The following MAN2B1 variants were observed in gnomAD, a reference collection of about 807,000 sequenced individuals.
MAN2B1 encodes mannosidase alpha class 2B member 1, also known as lysosomal alpha-mannosidase.
Under a neutral mutation model 127.5 loss-of-function variants are expected in MAN2B1, and 99 were observed. The observed-to-expected ratio is 0.78, with a 90% confidence interval of 0.66 to 0.92. The LOEUF (loss-of-function observed/expected upper bound fraction) is 0.92. Ranked by LOEUF, MAN2B1 falls within the 40% of genes least tolerant of loss-of-function variation. MAN2B1 has a pLI of 0.00. For synonymous variants in MAN2B1, 573 were observed against 568.8 expected (o/e 1.01, Z -0.11); for missense variants, 1,304 against 1,384.8 (o/e 0.94, Z 0.93).
intron 21 of MAN2B1, 24 bp downstream of exon 21, chr19:12,648,151 T>C (rs2023739775): frequency 6.5e-7 from 1 of 1,528,914 alleles, no homozygotes; most frequent in Non-Finnish European, 8.8e-7. Context: ...TCCGGTCCTC[T>C]CTGCCTACCC....
Position 12,657,458 on chromosome 19 carries a change from C to G in MAN2B1, c.1407G>C (p.Trp469Cys). 1 of 1,554,806 alleles carries G rather than the reference C, an allele frequency of 6.4e-7. No homozygotes were observed. The highest frequency in any genetic ancestry group is 8.7e-7 in the Non-Finnish European group (1 of 1,150,202). The change falls in exon 11 of 24, where the codon TGG becomes TGC. Residue 469 changes from tryptophan to cysteine, a missense_variant. Coordinates refer to ENST00000456935, the MANE Select transcript of MAN2B1 (RefSeq NM_000528.4). ...NDYARQLAAG[W>C]GPCEVLLSNA... Reference sequence around the variant, plus strand: ...TCGCCCCGCGCACCTCGCAAGGCCCCCAGCCTGCCGCAAGCTGGCGCGCGT... The same window carrying G: ...TCGCCCCGCGCACCTCGCAAGGCCCGCAGCCTGCCGCAAGCTGGCGCGCGT...
chr19:12,661,369 T>C lies in MAN2B1; in HGVS notation c.917A>G (p.Tyr306Cys). The C allele has an allele frequency of 6.2e-7, 1 of 1,609,798 alleles. No homozygotes were observed. Among genetic ancestry groups the C allele is most frequent in the Non-Finnish European group, 8.5e-7 (1 of 1,176,092 alleles). The change falls in exon 7 of 24, where the codon TAT becomes TGT. Residue 306 changes from tyrosine to cysteine, a missense_variant. Coordinates refer to ENST00000456935, the MANE Select transcript of MAN2B1 (RefSeq NM_000528.4). ...FLNVATAQGR[Y>C]YRTNHTVMTM... The stretch of plus-strand genomic sequence containing the variant: ...CATCACAGTGTGGTTGGTGCGGTAA[T>C]ACCGGCCCTGCAGGCAAGAGGGGAG...
intron 6 of MAN2B1, among the ~76,000 whole-genome samples, chr19:12,662,708 G>A (rs1049949754): frequency 1.3e-5 from 2 of 152,080 alleles, no homozygotes; most frequent in African/African-American, 4.8e-5. Flanking sequence ...AGCACTTTGG[G>A]AGGTTGAGGC....
intron 13 of MAN2B1, 24 bp from the exon 14 acceptor site, chr19:12,655,903 T>C: frequency 1.9e-6 from 3 of 1,607,220 alleles, no homozygotes; most frequent in Non-Finnish European, 2.6e-6. Context: ...GGAGGGAAAC[T>C]GAGTCAAGAG....
chr19:12,651,413 G>A (rs1300600442), intron 16 of MAN2B1, among the ~76,000 whole-genome samples: 1 of 152,154 alleles, frequency 6.6e-6, no homozygotes, highest in African/African-American at 2.4e-5. Context: ...ATTGGGGAAG[G>A]CAGAGCAACA....
Position 12,665,766 on chromosome 19 carries a change from G to T in MAN2B1, c.199C>A (p.Leu67Met). Residue 67 changes from leucine to methionine, a missense_variant, in exon 2 of 24, where the codon CTG becomes ATG. Physicochemically the swap from Leu to Met is conservative, Grantham distance 15. Transcript: ENST00000456935. ...ACGTCATCATGTGTGTGAGGCAGCA[G>T]GTGCACGTTCAGCATGTTCGGCTGC... ...TVQPNMLNVH[L>M]LPHTHDDVGW... is the part of the protein sequence containing the mutation. 1.2e-6 allele frequency: 2 copies of T among 1,614,144 alleles called. No homozygotes were observed. The highest frequency in any genetic ancestry group is 1.7e-6 in the Non-Finnish European group (2 of 1,180,024).
At chr19:12,656,422 A>T in intron 13 of MAN2B1, 149 bp downstream of exon 13, 1 of 664,578 alleles carries the variant, frequency 1.5e-6, no homozygotes, top group Non-Finnish European at 2.7e-6. Context: ...GACTGATATT[A>T]AGGGGCAGAG....
In MAN2B1 at chr19:12,666,605, G is replaced by T; in HGVS notation, c.97C>A (p.Pro33Thr). ...TMSRALRPPL[P>T]PLCFFLLLLA... ...AACAAAAGGAAAAAGCAGAGAGGCG[G>T]GAGCGGTGGCCGCAGGGCGCGGGAC... Residue 33 changes from proline (P) to threonine (T), a missense_variant, in exon 1 of 24, where the codon CCG becomes ACG. Coordinates refer to ENST00000456935, the MANE Select transcript of MAN2B1 (RefSeq NM_000528.4). 6.4e-7 allele frequency: 1 copy of T among 1,566,450 alleles called. No homozygotes were observed. The highest frequency in any genetic ancestry group is 8.7e-7 in the Non-Finnish European group (1 of 1,155,732).
chr19:12,658,624 C>A, intron 7 of MAN2B1, 114 bp from the exon 8 acceptor site: 2 of 988,644 alleles, frequency 2.0e-6, no homozygotes, highest in Admixed American at 4.0e-5. Flanking sequence ...TCTCTAAATA[C>A]ATATTTGGCG....
At position 12,650,222 on chromosome 19, in the gene MAN2B1, T is replaced by C. The variant is rs746776449; in HGVS notation, c.2047A>G (p.Thr683Ala). 14 of 1,604,546 alleles carry C rather than the reference T, an allele frequency of 8.7e-6. No homozygotes were observed. The highest frequency in any genetic ancestry group is 1.2e-5 in the Non-Finnish European group (14 of 1,171,808). ...TGGTGCACCTCCTGCACCAAGGGTG[T>C]CTGCGGGCACACGGGTGAGGTGGAT... The part of the protein sequence containing the change: ...SRWAQIHLVK[T>A]PLVQEVHQNF... The change falls in exon 17 of 24, where the codon ACA (threonine) becomes GCA (alanine). Residue 683 changes from threonine to alanine, a missense_variant and splice_region_variant. Transcript: ENST00000456935.
chr19:12,646,683 C>A lies in MAN2B1; in HGVS notation c.2973G>T (p.Thr991=). Reference sequence around the variant, plus strand: ...AAGTGCGGATTTCCATGGGTTCCAGCGTGATGTTGGCCGGGTCCAGCTGGT... The same window carrying A: ...AAGTGCGGATTTCCATGGGTTCCAGAGTGATGTTGGCCGGGTCCAGCTGGT... The part of the protein sequence containing the change: ...TPYQLDPANI[T]LEPMEIRTFL... The change falls in exon 24 of 24, where the codon ACG becomes ACT. Residue 991 remains threonine, a synonymous_variant. Coordinates refer to ENST00000456935, the MANE Select transcript of MAN2B1 (RefSeq NM_000528.4). The A allele has an allele frequency of 6.2e-7, 1 of 1,614,072 alleles. No homozygotes were observed. The highest frequency in any genetic ancestry group is 8.5e-7 in the Non-Finnish European group (1 of 1,179,998).
Position 12,658,440 on chromosome 19 carries a change from G to A in MAN2B1, c.1097C>T (p.Ala366Val), listed in dbSNP as rs772827824. 1.2e-6 allele frequency: 2 copies of A among 1,614,064 alleles called. No homozygotes were observed. Among genetic ancestry groups the A allele is most frequent in the Non-Finnish European group, 1.7e-6 (2 of 1,180,030 alleles). Residue 366 changes from alanine (A) to valine (V), a missense_variant, in exon 8 of 24, where the codon GCC (alanine) becomes GTC (valine). By Grantham distance (64) the Ala-to-Val change is moderately conservative. Coordinates refer to ENST00000456935, the MANE Select transcript of MAN2B1 (RefSeq NM_000528.4). ...PACYLWELNK[A>V]NLTWSVKHDD... Reference sequence around the variant, plus strand: ...TTTCCCCAAATACCAGGTGAGGTTGGCCTTGTTCAGCTCCCAGAGGTAACA... The same window carrying A: ...TTTCCCCAAATACCAGGTGAGGTTGACCTTGTTCAGCTCCCAGAGGTAACA...
intron 6 of MAN2B1, among the ~76,000 whole-genome samples, chr19:12,662,640 A>G (rs2024135530): frequency 6.7e-6 from 1 of 149,958 alleles, no homozygotes; most frequent in Non-Finnish European, 1.5e-5. Context: ...ATAAAAAAGG[A>G]ATTCTCAATA....
chr19:12,657,399 C>T, intron 11 of MAN2B1, 47 bp downstream of exon 11: 1 of 1,492,972 alleles, frequency 6.7e-7, no homozygotes. Context: ...CTGGCCCCGC[C>T]CCTTCCTGTC....
chr19:12,651,726 C>G (rs1202410000), intron 16 of MAN2B1, among the ~76,000 whole-genome samples: 1 of 152,258 alleles, frequency 6.6e-6, no homozygotes, highest in East Asian at 1.9e-4. Context: ...TAGGCATTCA[C>G]CCTGAGACTC....
At chr19:12,664,550 G>T (rs1189379255) in intron 4 of MAN2B1, among the ~76,000 whole-genome samples, 1 of 152,130 alleles carries the variant, frequency 6.6e-6, no homozygotes, top group African/African-American at 2.4e-5. Flanking sequence ...AACACCAAGA[G>T]GGGCCTATTA....
In MAN2B1 at chr19:12,666,737, G is replaced by T. The variant is rs1599361766; in HGVS notation, c.-36C>A. 2 of 1,541,106 alleles carry T rather than the reference G, an allele frequency of 1.3e-6. No homozygotes were observed. Among genetic ancestry groups the T allele is most frequent in the Non-Finnish European group, 1.7e-6 (2 of 1,144,238 alleles). On this transcript the variant is annotated 5_prime_UTR_variant, in exon 1 of 24. Transcript: ENST00000456935. Reference sequence around the variant, plus strand: ...CTTCCTCCTGGGGTTCCCCGGCCCTGGAAAGGCCGGGCAAACGCCCCGCCC... The same window carrying T: ...CTTCCTCCTGGGGTTCCCCGGCCCTTGAAAGGCCGGGCAAACGCCCCGCCC...
In MAN2B1 at chr19:12,658,227, C is replaced by A; in HGVS notation, c.1227G>T (p.Leu409=). 1.2e-6 allele frequency: 2 copies of A among 1,614,010 alleles called. No individual in the cohort carries two copies. The highest frequency in any genetic ancestry group is 2.2e-5 in the South Asian group (2 of 91,088). ...KRYERLSYNF[L]QVCNQLEALV... ...CTCTAGCCCGGCTCCTACCCACCTG[C>A]AGGAAGTTGTAGCTGAGGCGCTCGT... is the stretch of plus-strand genomic sequence containing the variant. The change falls in exon 9 of 24, where the codon CTG becomes CTT. Residue 409 remains leucine (L), a synonymous_variant. Coordinates refer to ENST00000456935, the MANE Select transcript of MAN2B1 (RefSeq NM_000528.4).
rs33998995 is a variant in MAN2B1 at position 12,662,937 on chromosome 19, C to CAA, written c.909+378_909+379dup. Among the ~76,000 whole-genome samples, 599 of 126,160 alleles carry CAA rather than the reference C, an allele frequency of 4.7e-3. 2 individuals are homozygous for CAA. Among genetic ancestry groups the CAA allele is most frequent in the Middle Eastern group, 8.3e-3 (2 of 240 alleles). 82.8% of individuals were successfully genotyped at this position (126,160 alleles called of 152,430 possible). A position where few individuals can be genotyped will look rare whatever the true frequency, so the allele number is the denominator to read the frequency against. ...TGGGTGACAGAGCAAGACTCTGTCT[C>CAA]AAAAAAAAAAAAATAATAATAAATA... On this transcript the variant is annotated intron_variant, in intron 6 of 23. Transcript: ENST00000456935.
Sources: gnomAD v4.1 joint callset for allele counts (sites outside exome capture counted in the v4.1 genomes callset) on GRCh38, gnomAD v4.1.1 for gene constraint, MANE v1.5 for transcripts, NCBI Gene and HGNC (gene_info 2026-07-23, HGNC 2026-07-21) for gene names.